ZFR: variants seen among roughly 807,000 people sequenced by gnomAD.
ZFR encodes zinc finger RNA-binding protein.
ZFR carries 19 observed loss-of-function variants against 130.7 expected under a neutral mutation model. The observed-to-expected ratio is 0.15, with a 90% CI of 0.10 to 0.21. The LOEUF is 0.21. ZFR is among the 10% of genes least tolerant of loss of function. The pLI, the probability that ZFR is intolerant of heterozygous loss-of-function variation, is 1.00. For synonymous variants in ZFR, 466 were observed against 456.9 expected, an observed-to-expected ratio of 1.02 and a Z score of -0.25; for missense variants, 872 against 1,321.5, an observed-to-expected ratio of 0.66 and a Z score of 5.27.
At chr5:32,425,124 G>C (rs1754044932) in intron 2 of ZFR, among the ~76,000 whole-genome samples, 1 of 152,158 alleles carries the variant, frequency 6.6e-6, no homozygotes, top group African/African-American at 2.4e-5. Context: ...GCATAAAGTT[G>C]ATAAGTTACA....
chr5:32,432,305 T>C (rs997196880), intron 2 of ZFR, among the ~76,000 whole-genome samples: 2 of 152,154 alleles, frequency 1.3e-5, no homozygotes, highest in African/African-American at 4.8e-5. Context: ...TTCAGGGCAA[T>C]ACGGAATAAA....
chr5:32,372,390 G>C (rs1752691779), intron 17 of ZFR, among the ~76,000 whole-genome samples: 2 of 152,106 alleles, frequency 1.3e-5, no homozygotes, highest in African/African-American at 2.4e-5. Flanking sequence ...GTATGTGTGA[G>C]GGCAGGGGAT....
At chr5:32,364,136 A>C in intron 18 of ZFR, 28 bp downstream of exon 18, 1 of 1,597,680 alleles carries the variant, frequency 6.3e-7, no homozygotes, top group Non-Finnish European at 8.6e-7. Context: ...ACTTCATTTT[A>C]CTTCATTAAA....
At chr5:32,444,430 G>T in intron 1 of ZFR, 102 bp from the exon 2 acceptor site, 1 of 1,388,296 alleles carries the variant, frequency 7.2e-7, no homozygotes. Context: ...GGCGCCGTGA[G>T]AGCAGCCCTG....
chr5:32,403,130 A>C lies in ZFR; in HGVS notation c.1492T>G (p.Ser498Ala), dbSNP rs776019707. The C allele has an allele frequency of 5.0e-6, 8 of 1,613,906 alleles. No individual in the cohort carries two copies. In the South Asian group the frequency reaches 8.8e-5, roughly 18 times the overall value. ...CCAACAAAATTTATTTTGGGGGTAG[A>C]TGTTTTCTTGGCAGCCATATTTGTA... is the stretch of plus-strand genomic sequence containing the variant. ...VPTNMAAKKT[S>A]TPKINFVGGN... Residue 498 changes from serine to alanine, a missense_variant, in exon 8 of 20, where the codon TCT (serine) becomes GCT (alanine). Ser to Ala is a moderately conservative substitution (Grantham distance 99). Coordinates refer to ENST00000265069, the MANE Select transcript of ZFR (RefSeq NM_016107.5).
chr5:32,361,780 G>A (rs943403151), intron 19 of ZFR, among the ~76,000 whole-genome samples: 12 of 151,916 alleles, frequency 7.9e-5, no homozygotes, highest in African/African-American at 2.4e-4. Flanking sequence ...ATGCCACCAC[G>A]CCCGGCTAAT....
Position 32,420,119 on chromosome 5 carries a change from C to T in ZFR, c.138-16G>A. On this transcript the variant is annotated splice_polypyrimidine_tract_variant and intron_variant, in intron 2 of 19. Transcript: ENST00000265069. Reference sequence around the variant, plus strand: ...TGGCTGCTGGCTACATTGTGGAGTACAAGAATAAATATAATACAATTTTAA... The same window carrying T: ...TGGCTGCTGGCTACATTGTGGAGTATAAGAATAAATATAATACAATTTTAA... The T allele has an allele frequency of 1.3e-6, 2 of 1,515,354 alleles. No homozygotes were observed. Among genetic ancestry groups the T allele is most frequent in the Non-Finnish European group, 1.8e-6 (2 of 1,127,356 alleles). 93.9% of individuals were successfully genotyped at this position (1,515,354 alleles called of 1,614,324 possible).
chr5:32,430,140 A>G (rs529470971), intron 2 of ZFR, among the ~76,000 whole-genome samples: 1 of 152,094 alleles, frequency 6.6e-6, no homozygotes, highest in South Asian at 2.1e-4. Context: ...AATATAAGCA[A>G]AAGTGTACAG....
At chr5:32,419,628 G>A (rs561153517) in intron 3 of ZFR, among the ~76,000 whole-genome samples, 193 bp downstream of exon 3, 20 of 152,254 alleles carry the variant, frequency 1.3e-4, no homozygotes, top group African/African-American at 4.3e-4. Context: ...ATGAGCCACC[G>A]CGCCCAGCCG....
chr5:32,406,274 G>A (rs1364071483), intron 6 of ZFR, among the ~76,000 whole-genome samples: 9 of 152,088 alleles, frequency 5.9e-5, no homozygotes, highest in Admixed American at 5.2e-4. Flanking sequence ...CCTTGTTCCC[G>A]AAGTTCCTAC....
At chr5:32,372,793 C>T (rs1396490629) in intron 17 of ZFR, among the ~76,000 whole-genome samples, 1 of 151,922 alleles carries the variant, frequency 6.6e-6, no homozygotes, top group Non-Finnish European at 1.5e-5. Context: ...TGAGATCACA[C>T]CACTGCACTC....
intron 17 of ZFR, among the ~76,000 whole-genome samples, chr5:32,373,490 CTT>C (rs766308301): frequency 1.3e-5 from 2 of 152,188 alleles, no homozygotes; most frequent in East Asian, 1.9e-4. Flanking sequence ...AGCCAAAACT[CTT>C]GTGTTCGTCT....
intron 11 of ZFR, among the ~76,000 whole-genome samples, chr5:32,394,812 C>T (rs904068726): frequency 6.6e-6 from 1 of 152,106 alleles, no homozygotes; most frequent in African/African-American, 2.4e-5. Flanking sequence ...ACATTATTAA[C>T]ATGTAGAATC....
intron 2 of ZFR, 47 bp downstream of exon 2, chr5:32,444,182 C>T: frequency 6.3e-7 from 1 of 1,576,988 alleles, no homozygotes; most frequent in Non-Finnish European, 8.6e-7. Context: ...GGATCCGGAC[C>T]GAGGGGAGAG....
chr5:32,441,853 T>A (rs1433214986), intron 2 of ZFR, among the ~76,000 whole-genome samples: 2 of 152,170 alleles, frequency 1.3e-5, no homozygotes. Context: ...TTTAGCAATA[T>A]AAGTAATGTC....
intron 4 of ZFR, among the ~76,000 whole-genome samples, chr5:32,416,429 A>T (rs1193255499): frequency 2.6e-5 from 4 of 152,130 alleles, no homozygotes; most frequent in African/African-American, 9.7e-5. Context: ...AGCCCAACCA[A>T]CATGGAGAAA....
intron 19 of ZFR, among the ~76,000 whole-genome samples, chr5:32,360,948 G>A (rs1430347650): frequency 1.3e-5 from 2 of 152,036 alleles, no homozygotes; most frequent in Non-Finnish European, 2.9e-5. Flanking sequence ...GAGTAGCTGC[G>A]ATTACAGGTG....
At chr5:32,403,849 A>G in intron 7 of ZFR, 57 bp downstream of exon 7, 4 of 1,475,442 alleles carry the variant, frequency 2.7e-6, no homozygotes, top group Non-Finnish European at 1.8e-6. Flanking sequence ...ACCCCCTTTG[A>G]AAAAGTAAAA....
chr5:32,360,588 T>C (rs1752411028), intron 19 of ZFR, among the ~76,000 whole-genome samples: 1 of 152,218 alleles, frequency 6.6e-6, no homozygotes, highest in African/African-American at 2.4e-5. Flanking sequence ...GACATTTAGG[T>C]TGTTGCTACT....
Sources: allele counts gnomAD v4.1 joint callset (sites outside exome capture counted in the v4.1 genomes callset), GRCh38; gene constraint gnomAD v4.1.1; transcripts MANE v1.5; gene names NCBI Gene and HGNC (gene_info 2026-07-23, HGNC 2026-07-21).